Variants in ADAMTS12 observed in about 807,000 individuals in gnomAD.
ADAMTS12 encodes the protein A disintegrin and metalloproteinase with thrombospondin motifs 12.
In ADAMTS12, 118 loss-of-function variants were observed where a neutral mutation model predicts 167.8. That is an observed-to-expected ratio of 0.70 (90% CI 0.61 to 0.82). ADAMTS12 has a LOEUF of 0.82. Ranked by LOEUF, ADAMTS12 falls within the 40% of genes least tolerant of loss-of-function variation. The pLI, the probability that ADAMTS12 is intolerant of heterozygous loss-of-function variation, is 0.00. For synonymous variants in ADAMTS12, 704 were observed against 716.9 expected (o/e 0.98, Z 0.29); for missense variants, 1,916 against 1,998.8 (o/e 0.96, Z 0.79).
In ADAMTS12 at chr5:33,578,806, G is replaced by C. The variant is rs578085855; in HGVS notation, c.2866-1646C>G. ...AGCTCTTTTGAAAAGCAGATGCTGT[G>C]AGCACAGGAGAATGTACAGCTGAAG... On this transcript the variant is annotated intron_variant, in intron 18 of 23. Coordinates refer to ENST00000504830, the MANE Select transcript of ADAMTS12 (RefSeq NM_030955.4). Among the ~76,000 whole-genome samples, 3 of 152,298 alleles carry C rather than the reference G, an allele frequency of 2.0e-5. No individual in the cohort carries two copies. The East Asian group carries it at 5.8e-4, about 29-fold the overall frequency.
chr5:33,560,671 A>G (rs1745696330), intron 20 of ADAMTS12, among the ~76,000 whole-genome samples: 1 of 151,246 alleles, frequency 6.6e-6, no homozygotes, highest in Admixed American at 6.6e-5. Flanking sequence ...TATCACAAGG[A>G]AAAAAACCAA....
chr5:33,573,168 T>C (rs1215091760), intron 19 of ADAMTS12, among the ~76,000 whole-genome samples: 1 of 151,846 alleles, frequency 6.6e-6, no homozygotes, highest in Non-Finnish European at 1.5e-5. Flanking sequence ...AAAATGGCCA[T>C]ACTGCCCAAG....
intron 18 of ADAMTS12, among the ~76,000 whole-genome samples, chr5:33,583,974 A>G (rs1240288573): frequency 6.6e-6 from 1 of 152,218 alleles, no homozygotes; most frequent in Non-Finnish European, 1.5e-5. Context: ...TCCAAACACA[A>G]AACATTTCTT....
intron 2 of ADAMTS12, among the ~76,000 whole-genome samples, chr5:33,856,974 A>C (rs971365846): frequency 3.3e-5 from 5 of 152,262 alleles, no homozygotes; most frequent in Non-Finnish European, 7.3e-5. Context: ...CACTATCCAC[A>C]ATAGCCAAGA....
At chr5:33,531,319 T>C (rs1399516011) in intron 23 of ADAMTS12, among the ~76,000 whole-genome samples, 2 of 152,228 alleles carry the variant, frequency 1.3e-5, no homozygotes, top group African/African-American at 4.8e-5. Context: ...AGCATGAATA[T>C]GTGTGCTTGT....
chr5:33,670,365 G>C (rs1052272585), intron 5 of ADAMTS12, among the ~76,000 whole-genome samples: 117 of 152,266 alleles, frequency 7.7e-4, no homozygotes, highest in African/African-American at 2.7e-3. Flanking sequence ...GTGAGGATGA[G>C]GTAAAACTGA....
intron 4 of ADAMTS12, 39 bp downstream of exon 4, chr5:33,683,820 G>T: frequency 7.2e-7 from 1 of 1,386,228 alleles, no homozygotes; most frequent in African/African-American, 1.5e-5. Context: ...AATGACATCT[G>T]TTCACTAGCT....
At chr5:33,889,675 G>A (rs1030789476) in intron 1 of ADAMTS12, among the ~76,000 whole-genome samples, 8 of 152,154 alleles carry the variant, frequency 5.3e-5, no homozygotes, top group Non-Finnish European at 7.3e-5. Flanking sequence ...ATTATTGGCT[G>A]GGTACAGTAG....
At chr5:33,849,553 C>CTGCATAGCAATACATATGTGTAT (rs1561306937) in intron 2 of ADAMTS12, among the ~76,000 whole-genome samples, 16 of 106,326 alleles carry the variant, frequency 1.5e-4, no homozygotes, top group African/African-American at 6.2e-4. Flanking sequence ...CATATATGTA[C>CTGCATAGCAATACATATGTGTAT]TGCATAGCAA....
intron 18 of ADAMTS12, among the ~76,000 whole-genome samples, chr5:33,582,913 C>T (rs1363140604): frequency 6.6e-6 from 1 of 152,158 alleles, no homozygotes; most frequent in Admixed American, 6.5e-5. Context: ...TTGAAACAGG[C>T]ATGCAATGTG....
chr5:33,608,852 T>C (rs886784540), intron 16 of ADAMTS12, among the ~76,000 whole-genome samples: 11 of 152,162 alleles, frequency 7.2e-5, no homozygotes, highest in East Asian at 1.9e-4. Context: ...GGAAATCCAA[T>C]TGAAAAGCAG....
intron 6 of ADAMTS12, among the ~76,000 whole-genome samples, chr5:33,660,094 T>C (rs1741201430): frequency 6.6e-6 from 1 of 152,122 alleles, no homozygotes; most frequent in Non-Finnish European, 1.5e-5. Flanking sequence ...ATGTTAATAG[T>C]GCTGAGGGTG....
intron 2 of ADAMTS12, among the ~76,000 whole-genome samples, chr5:33,770,582 AAGAG>A (rs1160495826): frequency 6.6e-6 from 1 of 152,110 alleles, no homozygotes; most frequent in Non-Finnish European, 1.5e-5. Context: ...TCAGGGGTCT[AAGAG>A]AGAGCTTGTG....
In ADAMTS12 at chr5:33,608,313, C is replaced by T. The variant is rs141554798; in HGVS notation, c.2527+5925G>A. On this transcript the variant is annotated intron_variant, in intron 16 of 23. Transcript: ENST00000504830. ...AAATATTATAATTAAAATTACAAGT[C>T]GGCAAATAATCAGAGGTAGATGAAG... 5.1e-3 allele frequency among the ~76,000 whole-genome samples: 770 copies of T among 152,168 alleles called. 5 individuals carry two copies. Among genetic ancestry groups the T allele is most frequent in the African/African-American group, 0.018 (736 of 41,506 alleles).
intron 3 of ADAMTS12, among the ~76,000 whole-genome samples, chr5:33,687,852 C>G (rs1266153310): frequency 6.6e-6 from 1 of 152,290 alleles, no homozygotes; most frequent in African/African-American, 2.4e-5. Context: ...AAGCTGATGA[C>G]AAAGACAGCT....
At chr5:33,881,734 G>GTT (rs11295558) in intron 1 of ADAMTS12, among the ~76,000 whole-genome samples, 11 of 120,182 alleles carry the variant, frequency 9.2e-5, no homozygotes, top group Non-Finnish European at 1.5e-4. Flanking sequence ...GGCTAATTTT[G>GTT]TTTTTTTTTT....
At chr5:33,864,274 G>C (rs1271365406) in intron 2 of ADAMTS12, among the ~76,000 whole-genome samples, 1 of 152,088 alleles carries the variant, frequency 6.6e-6, no homozygotes, top group Non-Finnish European at 1.5e-5. Context: ...AATGCAAATC[G>C]AAACCACAAT....
rs573010734 is a variant in ADAMTS12, at chr5:33,828,296, T to C, written c.489+52823A>G. On this transcript the variant is annotated intron_variant, in intron 2 of 23. Transcript: ENST00000504830. Reference sequence around the variant, plus strand: ...CACTGAGTTCGAGTATCACTTCATATATTTATTAAGCAATTCAGTTTCCCC... The same window carrying C: ...CACTGAGTTCGAGTATCACTTCATACATTTATTAAGCAATTCAGTTTCCCC... 1.2e-4 allele frequency among the ~76,000 whole-genome samples: 19 copies of C among 152,330 alleles called. No homozygotes were observed. The East Asian group carries it at 3.3e-3, about 26-fold the overall frequency.
At chr5:33,618,413 C>T (rs1739137741) in intron 14 of ADAMTS12, among the ~76,000 whole-genome samples, 1 of 152,176 alleles carries the variant, frequency 6.6e-6, no homozygotes, top group African/African-American at 2.4e-5. Context: ...TTTTTCATTT[C>T]TCTAAAAGTG....
Sources: allele counts gnomAD v4.1 joint callset (sites outside exome capture counted in the v4.1 genomes callset), GRCh38; gene constraint gnomAD v4.1.1; transcripts MANE v1.5; gene names NCBI Gene and HGNC (gene_info 2026-07-23, HGNC 2026-07-21).